The following HMCN1 variants were observed in gnomAD, a reference collection of about 807,000 sequenced individuals.
The protein encoded by HMCN1 is hemicentin 1.
Under a neutral mutation model 625.9 loss-of-function variants are expected in HMCN1, and 321 were observed. The observed-to-expected ratio is 0.51, with a 90% CI of 0.47 to 0.56. The LOEUF is 0.56. HMCN1 is among the 20% of genes least tolerant of loss of function. The pLI is 0.00. For missense variants in HMCN1, 6,588 were observed against 6,887.3 expected (o/e 0.96, Z 1.54); for synonymous variants, 2,425 against 2,417.6 (o/e 1.00, Z -0.09).
rs1232215383 is a variant in HMCN1, at chr1:186,123,017, C to G, written c.12296C>G (p.Ser4099Cys). 1 of 1,614,120 alleles carries G rather than the reference C, an allele frequency of 6.2e-7. No homozygotes were observed. The highest frequency in any genetic ancestry group is 1.7e-5 in the Admixed American group (1 of 60,006). Residue 4099 changes from serine (S) to cysteine (C), a missense_variant, in exon 81 of 107, where the codon TCC becomes TGC. By Grantham distance (112) the Ser-to-Cys change is moderately radical. Around this residue, in one of 3 missense-constraint regions of HMCN1, gnomAD observed 1,954 missense variants for 2,013.1 expected, o/e 0.97. Transcript: ENST00000271588. ...GCTGTGGACAAGCCCATCACGTTAT[C>G]CTGTGAAGCAGATGGCCTCCCTCCG... ...VIAVDKPITL[S>C]CEADGLPPPD...
intron 1 of HMCN1, among the ~76,000 whole-genome samples, chr1:185,798,472 G>A (rs1017398578): frequency 3.3e-5 from 5 of 152,070 alleles, no homozygotes; most frequent in Admixed American, 1.3e-4. Context: ...TAGGTTTTAC[G>A]AACTCTAGTT....
chr1:186,001,596 G>T lies in HMCN1; in HGVS notation c.4203G>T (p.Val1401=). The change falls in exon 28 of 107, where the codon GTG becomes GTT. Residue 1401 remains valine, a splice_region_variant and synonymous_variant. Coordinates refer to ENST00000271588, the MANE Select transcript of HMCN1 (RefSeq NM_031935.3). ...ACTGACCATTTTGGCCCTTAAAGGTGACTGAAAGCAGCACTATTCAGACTG... is the reference window on the plus strand; with the variant it reads ...ACTGACCATTTTGGCCCTTAAAGGTTACTGAAAGCAGCACTATTCAGACTG... ...IIMWYKDNVQ[V]TESSTIQTVN... is the part of the protein sequence containing the mutation. 6.2e-7 allele frequency: 1 copy of T among 1,612,940 alleles called. No individual in the cohort carries two copies. Among genetic ancestry groups the T allele is most frequent in the South Asian group, 1.1e-5 (1 of 91,032 alleles).
At chr1:185,785,062 CTTGT>C (rs143638865) in intron 1 of HMCN1, among the ~76,000 whole-genome samples, 4,722 of 152,180 alleles carry the variant, frequency 0.031, 222 homozygotes, top group African/African-American at 0.1. Flanking sequence ...TATACCATAG[CTTGT>C]TTATCTATCT....
At position 185,734,739 on chromosome 1, in the gene HMCN1, C is replaced by T. The variant is rs1653433037; in HGVS notation, c.-41C>T. 1 of 1,607,490 alleles carries T rather than the reference C, an allele frequency of 6.2e-7. No individual in the cohort carries two copies. On this transcript the variant is annotated 5_prime_UTR_variant, in exon 1 of 107. Transcript: ENST00000271588. ...TTGTTGAGGAGGACTGAGCACAGTG[C>T]TTAGGCGCTGAGGGGGAAAAAGAGG... is the stretch of plus-strand genomic sequence containing the variant.
intron 1 of HMCN1, among the ~76,000 whole-genome samples, chr1:185,755,194 T>C (rs1220038599): frequency 6.6e-6 from 1 of 152,246 alleles, no homozygotes; most frequent in East Asian, 1.9e-4. Flanking sequence ...TGTGTTTTTC[T>C]CCTTGTACTT....
At chr1:186,158,253 CTGTT>C (rs1651169086) in intron 97 of HMCN1, among the ~76,000 whole-genome samples, 1 of 150,012 alleles carries the variant, frequency 6.7e-6, no homozygotes, top group Non-Finnish European at 1.5e-5. Flanking sequence ...TGAGAAGTGT[CTGTT>C]CATGTCCTTC....
rs1558229456 is a variant in HMCN1, at chr1:186,108,470, A to C, written c.10862A>C (p.Asn3621Thr). 6.2e-7 allele frequency: 1 copy of C among 1,613,960 alleles called. No individual in the cohort carries two copies. The highest frequency in any genetic ancestry group is 8.5e-7 in the Non-Finnish European group (1 of 1,180,010). The change falls in exon 71 of 107, where the codon AAT becomes ACT. Residue 3621 changes from asparagine to threonine, a missense_variant. Coordinates refer to ENST00000271588, the MANE Select transcript of HMCN1 (RefSeq NM_031935.3). ...TTGTTCTCACACCCAGTACCTCCTAATATTGCTGGAACTGATGAGCCCCGG... is the reference window on the plus strand; with the variant it reads ...TTGTTCTCACACCCAGTACCTCCTACTATTGCTGGAACTGATGAGCCCCGG... ...EYLVRVHVPPNIAGTDEPRDI... is the reference protein window; with the variant it reads ...EYLVRVHVPPTIAGTDEPRDI...
chr1:186,110,192 A>C (rs1322662937), intron 71 of HMCN1, among the ~76,000 whole-genome samples: 1 of 152,244 alleles, frequency 6.6e-6, no homozygotes, highest in Non-Finnish European at 1.5e-5. Flanking sequence ...TTACTTTAAA[A>C]AAAAGCGGCC....
chr1:185,936,285 T>C (rs780539838), intron 11 of HMCN1, among the ~76,000 whole-genome samples: 31 of 152,128 alleles, frequency 2.0e-4, no homozygotes, highest in Non-Finnish European at 3.5e-4. Flanking sequence ...GACAATAAAT[T>C]ATATATAAAG....
In HMCN1 at chr1:186,015,394, T is replaced by C. The variant is rs1450344314; in HGVS notation, c.4866T>C (p.Asn1622=). Residue 1622 remains asparagine (N), a synonymous_variant, in exon 31 of 107, where the codon AAT becomes AAC. Coordinates refer to ENST00000271588, the MANE Select transcript of HMCN1 (RefSeq NM_031935.3). ...CAACATATACGTGTCATGTAGCCAA[T>C]GTTGCTGGAACTGCTGAAAAATCAT... The part of the protein sequence containing the change: ...DSATYTCHVA[N]VAGTAEKSFH... 1.2e-5 allele frequency: 19 copies of C among 1,613,562 alleles called. No homozygotes were observed. Among genetic ancestry groups the C allele is most frequent in the Non-Finnish European group, 1.5e-5 (18 of 1,179,712 alleles).
At chr1:186,117,305 C>T (rs1661180276) in intron 76 of HMCN1, among the ~76,000 whole-genome samples, 154 bp from the exon 77 acceptor site, 1 of 151,938 alleles carries the variant, frequency 6.6e-6, no homozygotes, top group African/African-American at 2.4e-5. Flanking sequence ...CTTCATCACC[C>T]AGGTATTAAC....
chr1:185,925,947 G>A (rs905180856), intron 9 of HMCN1, among the ~76,000 whole-genome samples: 3 of 152,166 alleles, frequency 2.0e-5, no homozygotes, highest in Non-Finnish European at 2.9e-5. Flanking sequence ...TGCTGCAGGT[G>A]AGTGACAGGT....
At position 186,095,531 on chromosome 1, in the gene HMCN1, C is replaced by G. The variant is rs1405588067; in HGVS notation, c.10573+10C>G. The G allele has an allele frequency of 1.2e-6, 2 of 1,611,534 alleles. No individual in the cohort carries two copies. The highest frequency in any genetic ancestry group is 1.7e-6 in the Non-Finnish European group (2 of 1,178,184). On this transcript the variant is annotated intron_variant, in intron 68 of 106. Coordinates refer to ENST00000271588, the MANE Select transcript of HMCN1 (RefSeq NM_031935.3). ...ATCCTCAAGGTCCTAGGTATGTAAA[C>G]ATTGTGGTAAATGTAGAATAATTGG... is the stretch of plus-strand genomic sequence containing the variant.
chr1:185,897,659 G>A (rs1364732043), intron 4 of HMCN1, among the ~76,000 whole-genome samples: 1 of 152,148 alleles, frequency 6.6e-6, no homozygotes, highest in Non-Finnish European at 1.5e-5. Context: ...CACCTTTCCA[G>A]ATAAACCAGA....
At chr1:186,164,766 G>A (rs73042565) in intron 97 of HMCN1, among the ~76,000 whole-genome samples, 2,947 of 152,284 alleles carry the variant, frequency 0.019, 109 homozygotes, top group African/African-American at 0.062. Flanking sequence ...GAGTAAAACC[G>A]GATAGCAATG....
intron 29 of HMCN1, among the ~76,000 whole-genome samples, chr1:186,005,641 A>T (rs1353887351): frequency 6.6e-6 from 1 of 152,120 alleles, no homozygotes; most frequent in Non-Finnish European, 1.5e-5. Context: ...AATGTAAAAA[A>T]CATGGAAGAA....
intron 11 of HMCN1, among the ~76,000 whole-genome samples, chr1:185,940,320 A>G (rs1427475166): frequency 6.6e-6 from 1 of 152,134 alleles, no homozygotes; most frequent in Non-Finnish European, 1.5e-5. Context: ...TTTAGCTTTC[A>G]TGTATTAGTA....
At chr1:186,146,717 T>C (rs1036205967) in intron 93 of HMCN1, among the ~76,000 whole-genome samples, 2 of 152,208 alleles carry the variant, frequency 1.3e-5, no homozygotes, top group East Asian at 1.9e-4. Flanking sequence ...TTGAACATTA[T>C]CGACTAATTA....
chr1:186,078,333 A>G, intron 55 of HMCN1, 113 bp downstream of exon 55: 2 of 751,718 alleles, frequency 2.7e-6, no homozygotes, highest in South Asian at 1.5e-5. Flanking sequence ...ATAACCAGAA[A>G]CTGATAGTTC....
Sources: gnomAD v4.1 joint callset for allele counts (sites outside exome capture counted in the v4.1 genomes callset) on GRCh38, gnomAD v4.1.1 for gene constraint, gnomAD v4.1.1 regional missense constraint, MANE v1.5 for transcripts, NCBI Gene and HGNC (gene_info 2026-07-23, HGNC 2026-07-21) for gene names.